UQCR11: variants seen among roughly 807,000 people sequenced by gnomAD.
The protein encoded by UQCR11 is ubiquinol-cytochrome c reductase, complex III subunit XI.
UQCR11 carries 10 observed loss-of-function variants against 7.6 expected under a neutral mutation model. The ratio of observed to expected loss-of-function variants is 1.31; its 90% CI spans 0.81 to 2.22. The LOEUF (loss-of-function observed/expected upper bound fraction) is 2.22. Ranked by LOEUF, UQCR11 falls within the 30% of genes most tolerant of loss-of-function variation. The pLI is 0.00. For synonymous variants in UQCR11, 34 were observed against 34.9 expected, an observed-to-expected ratio of 0.97 and a Z score of 0.09; for missense variants, 86 against 75.1, an observed-to-expected ratio of 1.15 and a Z score of -0.54.
intron 2 of UQCR11, chr19:1,598,902 TG>T: frequency 6.2e-6 from 1 of 160,148 alleles, no homozygotes; most frequent in Non-Finnish European, 1.4e-5. Flanking sequence ...ACCTGGAAAA[TG>T]GGGGTGTAAG....
At chr19:1,598,564 A>G (rs2060738022) in intron 2 of UQCR11, among the ~76,000 whole-genome samples, 1 of 150,912 alleles carries the variant, frequency 6.6e-6, no homozygotes, top group African/African-American at 2.4e-5. Context: ...AAAAAAAATT[A>G]GCTGCGTGTA....
chr19:1,604,021 C>G (rs1395414658), intron 1 of UQCR11, among the ~76,000 whole-genome samples: 3 of 152,236 alleles, frequency 2.0e-5, no homozygotes, highest in Admixed American at 1.3e-4. Flanking sequence ...TCTCAGCTCA[C>G]CACAACCTCC....
chr19:1,604,352 T>C (rs2060755625), intron 1 of UQCR11, among the ~76,000 whole-genome samples: 2 of 152,076 alleles, frequency 1.3e-5, no homozygotes, highest in Admixed American at 1.3e-4. Context: ...TAGCTGGGAC[T>C]ACAGACAGGT....
intron 1 of UQCR11, among the ~76,000 whole-genome samples, chr19:1,603,395 GA>G (rs1219859081): frequency 1.3e-5 from 2 of 152,182 alleles, no homozygotes; most frequent in Non-Finnish European, 2.9e-5. Context: ...GAGGTCAGAA[GA>G]TCGTGACCAT....
In UQCR11 at chr19:1,605,456, C is replaced by G. The variant is rs757792416; in HGVS notation, c.-47G>C. 7.6e-7 allele frequency: 1 copy of G among 1,320,820 alleles called. No homozygotes were observed. The highest frequency in any genetic ancestry group is 3.6e-5 in the Admixed American group (1 of 27,982). The allele number at this position is 1,320,820 out of a possible 1,614,324, so 81.8% of individuals were successfully genotyped here. ...GGATGACCCTGTCCAGCTGACCCGG[C>G]TACACTGCGCAGGCGCGGCCGCGGC... is the stretch of plus-strand genomic sequence containing the variant. On this transcript the variant is annotated 5_prime_UTR_variant, in exon 1 of 3. Coordinates refer to ENST00000591899, the MANE Select transcript of UQCR11 (RefSeq NM_006830.4).
chr19:1,601,871 C>T (rs1174424473), intron 1 of UQCR11, among the ~76,000 whole-genome samples: 3 of 152,040 alleles, frequency 2.0e-5, no homozygotes, highest in African/African-American at 2.4e-5. Context: ...AAATTAAAAT[C>T]CAATTCCGGG....
intron 1 of UQCR11, 124 bp from the exon 2 acceptor site, chr19:1,599,684 C>T (rs2060741648): frequency 7.0e-7 from 1 of 1,428,672 alleles, no homozygotes. Flanking sequence ...CCTGTGCCCG[C>T]CCAGTGCTGT....
At chr19:1,603,074 C>T (rs1477162084) in intron 1 of UQCR11, among the ~76,000 whole-genome samples, 2 of 152,224 alleles carry the variant, frequency 1.3e-5, no homozygotes, top group African/African-American at 4.8e-5. Flanking sequence ...CACAACCCCA[C>T]AGTGCCTCCT....
chr19:1,602,221 T>C (rs1490361330), intron 1 of UQCR11: 2 of 151,832 alleles, frequency 1.3e-5, no homozygotes, highest in Non-Finnish European at 2.9e-5. Context: ...AGCTGGGATG[T>C]TGGGGCGGTA....
At chr19:1,600,868 A>C (rs773138254) in intron 1 of UQCR11, among the ~76,000 whole-genome samples, 17 of 152,132 alleles carry the variant, frequency 1.1e-4, no homozygotes, top group Non-Finnish European at 1.6e-4. Context: ...ATCTCAAAAA[A>C]AATTAAAAAA....
chr19:1,597,704 C>T lies in UQCR11; in HGVS notation c.*540G>A, dbSNP rs893519496. On this transcript the variant is annotated 3_prime_UTR_variant, in exon 3 of 3. Coordinates refer to ENST00000591899, the MANE Select transcript of UQCR11 (RefSeq NM_006830.4). ...CAGCCCCAGTTGAGCCTTCCTCAGACGAAGTGGCCTTGGCTGATGTCTTAA... is the reference window on the plus strand; with the variant it reads ...CAGCCCCAGTTGAGCCTTCCTCAGATGAAGTGGCCTTGGCTGATGTCTTAA... 4.6e-5 allele frequency: 7 copies of T among 152,188 alleles called. No individual in the cohort carries two copies. Among genetic ancestry groups the T allele is most frequent in the African/African-American group, 1.2e-4 (5 of 41,444 alleles). 9.4% of individuals were successfully genotyped at this position (152,188 alleles called of 1,614,324 possible). A position where few individuals can be genotyped will look rare whatever the true frequency, so the allele number is the denominator to read the frequency against.
intron 1 of UQCR11, chr19:1,602,407 C>T (rs991700250): frequency 9.2e-5 from 14 of 152,092 alleles, no homozygotes; most frequent in East Asian, 1.9e-4. Flanking sequence ...AATCTTCGCA[C>T]GTGTTGTCTT....
At position 1,599,564 on chromosome 19, in the gene UQCR11, C is replaced by T. The variant is rs199631311; in HGVS notation, c.51-4G>A. 7.5e-6 allele frequency: 12 copies of T among 1,607,872 alleles called. No individual in the cohort carries two copies. Among genetic ancestry groups the T allele is most frequent in the Admixed American group, 6.7e-5 (4 of 59,996 alleles). ...CCATGTGTAGGCCGTCGGGACCCTG[C>T]GAGAGGAGAGGGGATGGTCAGGCCT... On this transcript the variant is annotated splice_polypyrimidine_tract_variant and splice_region_variant and intron_variant, in intron 1 of 2. Transcript: ENST00000591899.
chr19:1,604,126 G>C (rs1354204803), intron 1 of UQCR11, among the ~76,000 whole-genome samples: 1 of 152,046 alleles, frequency 6.6e-6, no homozygotes, highest in Non-Finnish European at 1.5e-5. Context: ...TGTATTTTCA[G>C]TAGAGACGGG....
At chr19:1,601,529 A>G (rs1490347038) in intron 1 of UQCR11, among the ~76,000 whole-genome samples, 1 of 146,332 alleles carries the variant, frequency 6.8e-6, no homozygotes, top group African/African-American at 2.5e-5. Context: ...TGAACCCGGG[A>G]GGCGGAGCTT....
chr19:1,599,796 G>T lies in UQCR11; in HGVS notation c.51-236C>A, dbSNP rs114895642. On this transcript the variant is annotated intron_variant, in intron 1 of 2. Transcript: ENST00000591899. ...GGGCTGCTGGGGTGGGAGTGGAGCT[G>T]GGGGGAGGCTGGGCCTGGCGCATGT... Among the ~76,000 whole-genome samples, 1,102 of 152,332 alleles carry T rather than the reference G, an allele frequency of 7.2e-3. 8 individuals are homozygous for T. Among genetic ancestry groups the T allele is most frequent in the Non-Finnish European group, 0.012 (805 of 68,026 alleles).
chr19:1,600,085 G>T (rs1050583298), intron 1 of UQCR11, among the ~76,000 whole-genome samples: 1 of 151,754 alleles, frequency 6.6e-6, no homozygotes, highest in African/African-American at 2.4e-5. Context: ...TGAGTTGCCT[G>T]GGCCCAGCAG....
chr19:1,603,921 G>A (rs922746917), intron 1 of UQCR11, among the ~76,000 whole-genome samples: 2 of 152,214 alleles, frequency 1.3e-5, no homozygotes, highest in Admixed American at 6.5e-5. Flanking sequence ...TCTGGCTTCC[G>A]GAGACACTGC....
chr19:1,598,855 G>A (rs2060738887), intron 2 of UQCR11: 1 of 156,522 alleles, frequency 6.4e-6, no homozygotes, highest in South Asian at 1.9e-4. Flanking sequence ...TGAGGCCCAG[G>A]TTCAAACAGT....
Sources: gnomAD v4.1 joint callset for allele counts (sites outside exome capture counted in the v4.1 genomes callset) on GRCh38, gnomAD v4.1.1 for gene constraint, MANE v1.5 for transcripts, NCBI Gene and HGNC (gene_info 2026-07-23, HGNC 2026-07-21) for gene names.